The following SSUH2 variants were observed in gnomAD, a reference collection of about 807,000 sequenced individuals.
SSUH2 encodes the protein protein SSUH2 homolog.
A neutral mutation model predicts 55.3 loss-of-function variants in SSUH2; 47 were observed. The ratio of observed to expected loss-of-function variants is 0.85; its 90% CI spans 0.67 to 1.08. The LOEUF (loss-of-function observed/expected upper bound fraction) is 1.08. SSUH2 is among the 50% of genes least tolerant of loss of function. The pLI is 0.00. For synonymous variants in SSUH2, 212 were observed against 191.5 expected (o/e 1.11, Z -0.89); for missense variants, 535 against 490.7 (o/e 1.09, Z -0.85).
At chr3:8,622,368 G>A (rs1268907785) in intron 11 of SSUH2, among the ~76,000 whole-genome samples, 1 of 152,204 alleles carries the variant, frequency 6.6e-6, no homozygotes, top group Admixed American at 6.5e-5. Context: ...GGAGACCTGA[G>A]TTCTAGTCCT....
chr3:8,633,439 C>A (rs975128386), intron 4 of SSUH2, among the ~76,000 whole-genome samples: 1 of 152,196 alleles, frequency 6.6e-6, no homozygotes, highest in African/African-American at 2.4e-5. Context: ...GGATTACAGG[C>A]ATGAGCCGCC....
intron 6 of SSUH2, among the ~76,000 whole-genome samples, chr3:8,663,263 T>C (rs58767098): frequency 0.028 from 4,334 of 152,332 alleles, 216 homozygotes; most frequent in African/African-American, 0.098. Flanking sequence ...ACATCTCAGA[T>C]GTCTGACCGA....
intron 3 of SSUH2, among the ~76,000 whole-genome samples, chr3:8,674,426 G>A (rs1008168090): frequency 1.2e-4 from 19 of 152,218 alleles, no homozygotes; most frequent in African/African-American, 4.3e-4. Flanking sequence ...GGGAGACCGG[G>A]CTCAAGTGTC....
At chr3:8,675,755 C>G (rs1276956436) in intron 3 of SSUH2, among the ~76,000 whole-genome samples, 2 of 152,100 alleles carry the variant, frequency 1.3e-5, no homozygotes, top group Non-Finnish European at 2.9e-5. Flanking sequence ...GGACCGGGAA[C>G]CTTTGGAATG....
chr3:8,649,501 C>T (rs972367127), upstream of SSUH2, among the ~76,000 whole-genome samples: 8 of 152,262 alleles, frequency 5.3e-5, no homozygotes, highest in East Asian at 1.5e-3. Flanking sequence ...TTTGACCTCT[C>T]CTCTGAACTC....
At chr3:8,626,759 T>C (rs1216662008) in intron 8 of SSUH2, among the ~76,000 whole-genome samples, 6 of 152,148 alleles carry the variant, frequency 3.9e-5, no homozygotes, top group Non-Finnish European at 5.9e-5. Context: ...TGATCTCCTC[T>C]GCCACTACAA....
intron 5 of SSUH2, among the ~76,000 whole-genome samples, chr3:8,664,200 G>A (rs779420788): frequency 7.2e-5 from 11 of 152,228 alleles, no homozygotes; most frequent in African/African-American, 9.6e-5. Context: ...CCTAGAAAAC[G>A]ACCCTTGATA....
chr3:8,672,332 G>T (rs62244205), intron 3 of SSUH2, among the ~76,000 whole-genome samples: 2 of 151,964 alleles, frequency 1.3e-5, no homozygotes, highest in African/African-American at 4.8e-5. Flanking sequence ...ATCCTCCCCC[G>T]CCCTGCACAT....
chr3:8,641,808 T>C (rs1458238792), intron 1 of SSUH2, among the ~76,000 whole-genome samples: 2 of 152,252 alleles, frequency 1.3e-5, no homozygotes, highest in African/African-American at 2.4e-5. Context: ...CTCACCAAGA[T>C]ACACTGAGAG....
chr3:8,621,159 C>A (rs1260394261), intron 11 of SSUH2, among the ~76,000 whole-genome samples: 3 of 152,218 alleles, frequency 2.0e-5, no homozygotes, highest in Non-Finnish European at 4.4e-5. Flanking sequence ...GTGGGCCGGG[C>A]TCTGTGCAAA....
chr3:8,649,408 G>A (rs1257141456), upstream of SSUH2, among the ~76,000 whole-genome samples: 4 of 151,990 alleles, frequency 2.6e-5, no homozygotes, highest in Admixed American at 6.5e-5. Flanking sequence ...TTGTGTGCCC[G>A]TCCATCCGTG....
At chr3:8,674,073 G>A (rs951014090) in intron 3 of SSUH2, among the ~76,000 whole-genome samples, 9 of 152,240 alleles carry the variant, frequency 5.9e-5, no homozygotes, top group East Asian at 5.8e-4. Flanking sequence ...ACATCACAAT[G>A]ATGAGAAATA....
intron 7 of SSUH2, among the ~76,000 whole-genome samples, chr3:8,650,282 G>A (rs1298560694): frequency 6.6e-6 from 1 of 152,086 alleles, no homozygotes; most frequent in Non-Finnish European, 1.5e-5. Flanking sequence ...AACTTACTAT[G>A]TGTTTTGTTC....
At chr3:8,650,824 T>C (rs1388893743) in intron 7 of SSUH2, among the ~76,000 whole-genome samples, 1 of 152,192 alleles carries the variant, frequency 6.6e-6, no homozygotes, top group Non-Finnish European at 1.5e-5. Flanking sequence ...GGGAGCTCTT[T>C]TGTGGGTCAG....
rs1488094068 is a variant in SSUH2, at chr3:8,679,260, C to A, written c.-901+445G>T. On this transcript the variant is annotated intron_variant, in intron 2 of 18. Coordinates refer to the SSUH2 transcript ENST00000317371. ...GACTGAGAGCCAGCCAATTTTCCCCCTGGCTTTTAGGACCCCCATCGGAGG... is the reference window on the plus strand; with the variant it reads ...GACTGAGAGCCAGCCAATTTTCCCCATGGCTTTTAGGACCCCCATCGGAGG... Among the ~76,000 whole-genome samples, 5 of 88,890 alleles carry A rather than the reference C, an allele frequency of 5.6e-5. 1 individual carries two copies. Among genetic ancestry groups the A allele is most frequent in the African/African-American group, 1.9e-4 (5 of 26,940 alleles). The allele number at this position is 88,890 out of a possible 152,430, so 58.3% of individuals were successfully genotyped here.
chr3:8,676,773 A>AC (rs1265866470), intron 3 of SSUH2, among the ~76,000 whole-genome samples: 1 of 147,816 alleles, frequency 6.8e-6, no homozygotes, highest in Non-Finnish European at 1.5e-5. Flanking sequence ...GGATCTCAGG[A>AC]CCTCATCGCA....
chr3:8,625,922 T>C (rs1375076934), intron 9 of SSUH2, among the ~76,000 whole-genome samples: 1 of 152,248 alleles, frequency 6.6e-6, no homozygotes, highest in Non-Finnish European at 1.5e-5. Flanking sequence ...ACGGAAGCCC[T>C]GACTGACTTA....
chr3:8,621,229 A>G (rs1696369518), intron 11 of SSUH2, among the ~76,000 whole-genome samples: 1 of 152,208 alleles, frequency 6.6e-6, no homozygotes, highest in African/African-American at 2.4e-5. Flanking sequence ...GTGGGGACCC[A>G]AACCCAGGGA....
chr3:8,649,779 C>A (rs144789347), upstream of SSUH2, among the ~76,000 whole-genome samples: 1 of 152,104 alleles, frequency 6.6e-6, no homozygotes, highest in Non-Finnish European at 1.5e-5. Flanking sequence ...TTGCCCTCGC[C>A]CTGACAAAGC....
Sources: allele counts gnomAD v4.1 joint callset (sites outside exome capture counted in the v4.1 genomes callset), GRCh38; gene constraint gnomAD v4.1.1; transcripts MANE v1.5; gene names NCBI Gene and HGNC (gene_info 2026-07-23, HGNC 2026-07-21).